The following TDRD9 variants were observed in gnomAD, a reference collection of about 807,000 sequenced individuals.
TDRD9 encodes ATP-dependent RNA helicase TDRD9.
A neutral mutation model predicts 172.6 loss-of-function variants in TDRD9; 124 were observed. That is an observed-to-expected ratio of 0.72 (90% confidence interval 0.62 to 0.83). TDRD9 has a LOEUF of 0.83. TDRD9 is among the 40% of genes least tolerant of loss of function. TDRD9 has a pLI of 0.00. For synonymous variants in TDRD9, 619 were observed against 617.1 expected (o/e 1.00, Z -0.05); for missense variants, 1,479 against 1,714.1 (o/e 0.86, Z 2.42).
Position 103,995,806 on chromosome 14 carries a change from TG to T in TDRD9, c.1378+1del. 6.2e-7 allele frequency: 1 copy of T among 1,608,222 alleles called. No homozygotes were observed. The highest frequency in any genetic ancestry group is 1.1e-5 in the South Asian group (1 of 89,778). ...CTGTCACAGTTCCAGATGTCAAATATGGTAAGATACTTCTCCGTTTACCTCC... is the reference window on the plus strand; with the variant it reads ...CTGTCACAGTTCCAGATGTCAAATATGTAAGATACTTCTCCGTTTACCTCC... The part of the protein sequence containing the change: ...SSVTVPDVKY[V>X]IDFCLTRTLV... On this transcript the variant is annotated frameshift_variant and splice_region_variant, in exon 12 of 36. Transcript: ENST00000409874. LOFTEE classifies it high-confidence loss of function.
intron 14 of TDRD9, 72 bp from the exon 15 acceptor site, chr14:104,005,202 C>T (rs1195137558): frequency 5.9e-6 from 9 of 1,514,412 alleles, no homozygotes; most frequent in South Asian, 2.4e-5. Context: ...CCCTCTGAAG[C>T]ACTGGTTATG....
intron 28 of TDRD9, among the ~76,000 whole-genome samples, chr14:104,028,509 A>G (rs2035190684): frequency 6.6e-6 from 1 of 152,110 alleles, no homozygotes; most frequent in Non-Finnish European, 1.5e-5. Context: ...ATGTCTGTTC[A>G]GATGCTTTGC....
intron 6 of TDRD9, among the ~76,000 whole-genome samples, chr14:103,974,728 C>A (rs1219545645): frequency 6.6e-6 from 1 of 152,108 alleles, no homozygotes; most frequent in Admixed American, 6.5e-5. Flanking sequence ...GCAGCCTCGA[C>A]CTCCTTGGCT....
intron 8 of TDRD9, among the ~76,000 whole-genome samples, chr14:103,989,263 T>C (rs2033785197): frequency 6.6e-6 from 1 of 152,258 alleles, no homozygotes; most frequent in Non-Finnish European, 1.5e-5. Context: ...CATGTCATTA[T>C]CCTCTTGCTG....
intron 7 of TDRD9, among the ~76,000 whole-genome samples, chr14:103,981,729 C>T (rs2033480306): frequency 6.6e-6 from 1 of 152,156 alleles, no homozygotes; most frequent in South Asian, 2.1e-4. Context: ...TCACCAAATA[C>T]AAGGCCTATT....
At chr14:103,930,467 T>A (rs2030309680) in intron 1 of TDRD9, among the ~76,000 whole-genome samples, 1 of 152,216 alleles carries the variant, frequency 6.6e-6, no homozygotes, top group Admixed American at 6.5e-5. Flanking sequence ...TGAGTCACCG[T>A]GCCTGGCTTT....
intron 1 of TDRD9, among the ~76,000 whole-genome samples, chr14:103,943,410 T>C (rs989234678): frequency 6.6e-6 from 1 of 150,992 alleles, no homozygotes. Context: ...CATATATGTA[T>C]ATATACACAT....
At chr14:104,034,846 A>G (rs2035400853) in intron 31 of TDRD9, 114 bp from the exon 32 acceptor site, 1 of 730,196 alleles carries the variant, frequency 1.4e-6, no homozygotes, top group Non-Finnish European at 2.3e-6. Context: ...TGGGGACTGG[A>G]CAGACTCAGC....
chr14:103,963,721 A>G (rs973553194), intron 3 of TDRD9, among the ~76,000 whole-genome samples: 1 of 152,256 alleles, frequency 6.6e-6, no homozygotes. Flanking sequence ...GAGTAAGCGT[A>G]TCGGAACCTT....
intron 1 of TDRD9, among the ~76,000 whole-genome samples, chr14:103,938,287 A>G (rs2030901591): frequency 6.6e-6 from 1 of 151,314 alleles, no homozygotes. Context: ...TCTATTCCCT[A>G]GCTAAATATT....
intron 34 of TDRD9, among the ~76,000 whole-genome samples, chr14:104,042,752 C>T (rs1266164334): frequency 6.6e-6 from 1 of 152,112 alleles, no homozygotes; most frequent in Non-Finnish European, 1.5e-5. Context: ...CTACCCAGTC[C>T]TGTGCTCCTG....
intron 8 of TDRD9, among the ~76,000 whole-genome samples, chr14:103,987,466 T>G (rs2033713465): frequency 6.6e-6 from 1 of 152,234 alleles, no homozygotes; most frequent in Admixed American, 6.5e-5. Context: ...TTTTCATTCA[T>G]CTCAGAGTAT....
chr14:104,048,783 G>A (rs796074659), intron 34 of TDRD9, among the ~76,000 whole-genome samples: 8 of 152,248 alleles, frequency 5.3e-5, no homozygotes, highest in African/African-American at 1.4e-4. Flanking sequence ...AGGATGTGGC[G>A]TGAGGCTGGA....
At chr14:103,940,010 T>G (rs1188963280) in intron 1 of TDRD9, 3 of 151,962 alleles carry the variant, frequency 2.0e-5, no homozygotes, top group Non-Finnish European at 4.4e-5. Flanking sequence ...GGACTTAACT[T>G]TAAGAATGAA....
chr14:103,955,867 C>A lies in TDRD9; in HGVS notation c.322+97C>A. 5 of 1,050,172 alleles carry A rather than the reference C, an allele frequency of 4.8e-6. No individual in the cohort carries two copies. The South Asian group carries it at 6.0e-5, about 13-fold the overall frequency. 65.1% of individuals were successfully genotyped at this position (1,050,172 alleles called of 1,614,324 possible). On this transcript the variant is annotated intron_variant, in intron 2 of 35. Transcript: ENST00000409874. The stretch of plus-strand genomic sequence containing the variant: ...GTGCATGCCTGTAATTCCAGCTACT[C>A]AGGAGGCTGAGGTGGGAGGATCACT...
intron 1 of TDRD9, among the ~76,000 whole-genome samples, chr14:103,932,667 G>A (rs545711790): frequency 2.0e-5 from 3 of 151,530 alleles, no homozygotes; most frequent in East Asian, 2.0e-4. Flanking sequence ...GATTACAGGC[G>A]TGAGGTACTG....
rs1349688736 is a variant in TDRD9, at chr14:104,052,578, A to G, written c.*496A>G. ...AATTTTTATAAGACTAAGTTGAGTTATACTTCTTGGTTCACATTTTGGAAA... is the reference window on the plus strand; with the variant it reads ...AATTTTTATAAGACTAAGTTGAGTTGTACTTCTTGGTTCACATTTTGGAAA... On this transcript the variant is annotated 3_prime_UTR_variant, in exon 36 of 36. Coordinates refer to ENST00000409874, the MANE Select transcript of TDRD9 (RefSeq NM_153046.3). 1 of 152,738 alleles carries G rather than the reference A, an allele frequency of 6.5e-6. No individual in the cohort carries two copies. The highest frequency in any genetic ancestry group is 1.5e-5 in the Non-Finnish European group (1 of 68,414). The allele number at this position is 152,738 out of a possible 1,614,324, so 9.5% of individuals were successfully genotyped here.
chr14:103,992,962 A>G (rs2033926289), intron 9 of TDRD9, among the ~76,000 whole-genome samples: 1 of 148,770 alleles, frequency 6.7e-6, no homozygotes, highest in South Asian at 2.1e-4. Flanking sequence ...CTAACATGAG[A>G]TAAATACTCT....
intron 6 of TDRD9, among the ~76,000 whole-genome samples, chr14:103,972,986 C>G (rs560628538): frequency 4.6e-5 from 7 of 152,224 alleles, no homozygotes; most frequent in African/African-American, 1.7e-4. Flanking sequence ...CTTTTTTACT[C>G]AAGTCAGAAT....
Sources: gnomAD v4.1 joint callset for allele counts (sites outside exome capture counted in the v4.1 genomes callset) on GRCh38, gnomAD v4.1.1 for gene constraint, MANE v1.5 for transcripts, NCBI Gene and HGNC (gene_info 2026-07-23, HGNC 2026-07-21) for gene names.